NAV3: variants seen among roughly 807,000 people sequenced by gnomAD.
NAV3 encodes neuron navigator 3, also known as pore membrane and/or filament interacting like protein 1.
A neutral mutation model predicts 244.7 loss-of-function variants in NAV3; 87 were observed. The observed-to-expected ratio is 0.36, with a 90% confidence interval of 0.30 to 0.42. The LOEUF (loss-of-function observed/expected upper bound fraction) is 0.42. Among genes scored for constraint, NAV3 ranks in the 20% least tolerant of loss-of-function variants. The pLI is 1.00. For missense variants in NAV3, 2,663 were observed against 2,893.3 expected, an observed-to-expected ratio of 0.92 and a Z score of 1.83; for synonymous variants, 1,126 against 1,042.2, an observed-to-expected ratio of 1.08 and a Z score of -1.55.
intron 12 of NAV3, among the ~76,000 whole-genome samples, chr12:78,090,939 G>A (rs1953894075): frequency 6.7e-6 from 1 of 148,168 alleles, no homozygotes; most frequent in Non-Finnish European, 1.5e-5. Context: ...AAGTACTTCT[G>A]TGCTGTGCTG....
intron 5 of NAV3, among the ~76,000 whole-genome samples, chr12:77,990,299 C>T (rs1360071502): frequency 6.6e-6 from 1 of 152,044 alleles, no homozygotes; most frequent in Non-Finnish European, 1.5e-5. Flanking sequence ...TGCAGAAAAG[C>T]AGGAATTAGG....
intron 6 of NAV3, among the ~76,000 whole-genome samples, chr12:77,996,797 TA>T (rs942769991): frequency 7.9e-5 from 12 of 152,222 alleles, no homozygotes; most frequent in African/African-American, 2.9e-4. Flanking sequence ...AAGATGATTA[TA>T]AAAAATAGTG....
chr12:77,856,150 G>A (rs931989247), intron 1 of NAV3, among the ~76,000 whole-genome samples: 2 of 152,014 alleles, frequency 1.3e-5, no homozygotes, highest in Admixed American at 6.6e-5. Context: ...CTATATAACT[G>A]GTAATTCTTT....
intron 17 of NAV3, 35 bp from the exon 18 acceptor site, chr12:78,128,671 A>G: frequency 6.3e-7 from 1 of 1,594,352 alleles, no homozygotes; most frequent in Non-Finnish European, 8.6e-7. Flanking sequence ...GCCCTTGTAG[A>G]TGTGCTTAAG....
intron 12 of NAV3, among the ~76,000 whole-genome samples, chr12:78,100,943 G>A (rs761887103): frequency 6.6e-6 from 1 of 152,058 alleles, no homozygotes; most frequent in Non-Finnish European, 1.5e-5. Context: ...GCTATCTAAA[G>A]TTATCTCCTC....
chr12:77,706,870 C>CA (rs34067727), intron 2 of NAV3, among the ~76,000 whole-genome samples: 771 of 67,980 alleles, frequency 0.011, 8 homozygotes, highest in African/African-American at 0.026. Context: ...GACTCTGTTT[C>CA]AAAAAAAAAA....
chr12:78,077,344 C>T (rs1486128907), intron 12 of NAV3, among the ~76,000 whole-genome samples: 1 of 152,046 alleles, frequency 6.6e-6, no homozygotes. Context: ...CATAAAGGAC[C>T]AGACAATAAA....
At chr12:78,169,630 AT>A (rs1319606822) in intron 24 of NAV3, among the ~76,000 whole-genome samples, 1 of 151,616 alleles carries the variant, frequency 6.6e-6, no homozygotes, top group Non-Finnish European at 1.5e-5. Context: ...CTCTCTTTTC[AT>A]TTCCAGAAGA....
At chr12:78,110,915 G>A (rs1193313879) in intron 12 of NAV3, among the ~76,000 whole-genome samples, 5 of 151,904 alleles carry the variant, frequency 3.3e-5, no homozygotes, top group African/African-American at 7.3e-5. Flanking sequence ...AATAATCTAG[G>A]CACAAAAAGA....
intron 12 of NAV3, among the ~76,000 whole-genome samples, chr12:78,063,779 G>T (rs1427835861): frequency 6.6e-6 from 1 of 152,088 alleles, no homozygotes; most frequent in Non-Finnish European, 1.5e-5. Flanking sequence ...GAAATCAGAA[G>T]GAATGTGGGG....
intron 7 of NAV3, among the ~76,000 whole-genome samples, chr12:78,004,329 G>A (rs538213675): frequency 5.1e-4 from 78 of 152,256 alleles, no homozygotes; most frequent in African/African-American, 1.9e-3. Context: ...AATGGTGAGT[G>A]TAGGTGAGGT....
upstream of NAV3, among the ~76,000 whole-genome samples, chr12:77,826,128 A>C (rs1201980267): frequency 6.6e-6 from 1 of 152,158 alleles, no homozygotes. Context: ...GCTTACACAA[A>C]TATATAGTTA....
intron 2 of NAV3, among the ~76,000 whole-genome samples, chr12:77,682,477 T>C (rs1874517806): frequency 6.6e-6 from 1 of 152,134 alleles, no homozygotes; most frequent in South Asian, 2.1e-4. Flanking sequence ...AGGACAGATA[T>C]CTCTTCCACA....
intron 9 of NAV3, chr12:78,036,950 C>T: frequency 2.8e-6 from 2 of 702,936 alleles, no homozygotes; most frequent in South Asian, 1.5e-5. Flanking sequence ...AGTCTCTGAC[C>T]AATCTTTCCC....
At chr12:78,162,875 TATATATA>T (rs1957608045) in intron 23 of NAV3, among the ~76,000 whole-genome samples, 2 of 136,346 alleles carry the variant, frequency 1.5e-5, no homozygotes, top group African/African-American at 5.7e-5. Context: ...AAAAAATATA[TATATATA>T]ATATATATAA....
chr12:77,800,838 A>G (rs1438901726), intron 2 of NAV3, among the ~76,000 whole-genome samples: 1 of 152,124 alleles, frequency 6.6e-6, no homozygotes, highest in Non-Finnish European at 1.5e-5. Context: ...TTTTTGAAAG[A>G]TAAATGCTAG....
intron 3 of NAV3, among the ~76,000 whole-genome samples, chr12:77,942,423 A>G (rs1889966855): frequency 6.6e-6 from 1 of 151,756 alleles, no homozygotes; most frequent in Admixed American, 6.6e-5. Context: ...AAAATAAATA[A>G]ATAAAAAATA....
chr12:77,873,679 G>GTATA (rs200152687), intron 1 of NAV3, among the ~76,000 whole-genome samples: 11 of 107,288 alleles, frequency 1.0e-4, no homozygotes, highest in African/African-American at 2.5e-4. Context: ...ATTTGTATGT[G>GTATA]TATATATATA....
At chr12:77,663,750 A>G (rs554847360) in intron 2 of NAV3, among the ~76,000 whole-genome samples, 1 of 152,158 alleles carries the variant, frequency 6.6e-6, no homozygotes, top group East Asian at 1.9e-4. Context: ...CGAACTCCTG[A>G]TCTCAGGTAA....
Sources: gnomAD v4.1 joint callset for allele counts (sites outside exome capture counted in the v4.1 genomes callset) on GRCh38, gnomAD v4.1.1 for gene constraint, MANE v1.5 for transcripts, NCBI Gene and HGNC (gene_info 2026-07-23, HGNC 2026-07-21) for gene names.